Variants in CDK8 observed in about 807,000 individuals in gnomAD.
The protein encoded by CDK8 is cyclin dependent kinase 8, also known as cyclin-dependent kinase 8.
A neutral mutation model predicts 71.5 loss-of-function variants in CDK8; 29 were observed. The observed-to-expected ratio is 0.41, with a 90% CI of 0.30 to 0.55. The LOEUF (loss-of-function observed/expected upper bound fraction) is 0.55. CDK8 is among the 20% of genes least tolerant of loss of function. The pLI is 0.37. For synonymous variants in CDK8, 161 were observed against 192.1 expected, an observed-to-expected ratio of 0.84 and a Z score of 1.34; for missense variants, 288 against 572.6, an observed-to-expected ratio of 0.50 and a Z score of 5.07.
At chr13:26,336,584 C>T (rs1195663442) in intron 1 of CDK8, among the ~76,000 whole-genome samples, 17 of 132,148 alleles carry the variant, frequency 1.3e-4, no homozygotes, top group African/African-American at 3.9e-4. Context: ...GACGGAGTCT[C>T]GCTCTGTCGC....
intron 1 of CDK8, among the ~76,000 whole-genome samples, chr13:26,290,533 G>C (rs925041147): frequency 6.6e-6 from 1 of 151,988 alleles, no homozygotes; most frequent in Non-Finnish European, 1.5e-5. Flanking sequence ...AGAGCAATTG[G>C]AGTGTGGTTG....
chr13:26,379,962 G>A lies in CDK8; in HGVS notation c.457-2852G>A, dbSNP rs144867587. Reference sequence around the variant, plus strand: ...AATTTTAGATCAGAAGAAAGGTCAGGGACAGAAAATGGCATAGCGATGACA... The same window carrying A: ...AATTTTAGATCAGAAGAAAGGTCAGAGACAGAAAATGGCATAGCGATGACA... On this transcript the variant is annotated intron_variant, in intron 4 of 12. Transcript: ENST00000381527. 6.7e-3 allele frequency among the ~76,000 whole-genome samples: 1,021 copies of A among 152,258 alleles called. 13 individuals are homozygous for A. The highest frequency in any genetic ancestry group is 0.023 in the African/African-American group (947 of 41,536).
intron 2 of CDK8, among the ~76,000 whole-genome samples, chr13:26,344,339 C>A (rs957772841): frequency 1.2e-4 from 18 of 152,292 alleles, no homozygotes; most frequent in African/African-American, 4.1e-4. Context: ...GTGAATAGTG[C>A]TGCAATGAAC....
intron 4 of CDK8, among the ~76,000 whole-genome samples, chr13:26,366,710 G>A (rs1232814395): frequency 6.6e-6 from 1 of 152,108 alleles, no homozygotes; most frequent in African/African-American, 2.4e-5. Flanking sequence ...CTAATTTCCA[G>A]TCTTTTCAGA....
At chr13:26,331,002 T>C (rs894960212) in intron 1 of CDK8, among the ~76,000 whole-genome samples, 2 of 152,212 alleles carry the variant, frequency 1.3e-5, no homozygotes, top group African/African-American at 4.8e-5. Context: ...TTTTAGCTTT[T>C]TGAGAAATTG....
At chr13:26,260,594 G>A (rs1871730051) in intron 1 of CDK8, among the ~76,000 whole-genome samples, 1 of 152,134 alleles carries the variant, frequency 6.6e-6, no homozygotes, top group Admixed American at 6.5e-5. Flanking sequence ...TAGAGTTTAG[G>A]AAGTAATGGA....
chr13:26,254,596 C>G lies in CDK8; in HGVS notation c.-46C>G. On this transcript the variant is annotated 5_prime_UTR_variant, in exon 1 of 13. Coordinates refer to ENST00000381527, the MANE Select transcript of CDK8 (RefSeq NM_001260.3). The surrounding 1 kb of genome is among the most constrained non-coding windows in gnomAD (Gnocchi z 6.7). ...CGTGCTTCCCCGGTCCCCACCCCTGCCCCCCGGCCCCCCGACCCAGCTCTC... is the reference window on the plus strand; with the variant it reads ...CGTGCTTCCCCGGTCCCCACCCCTGGCCCCCGGCCCCCCGACCCAGCTCTC... 128 of 1,269,314 alleles carry G rather than the reference C, an allele frequency of 1.0e-4. No individual in the cohort carries two copies. Among genetic ancestry groups the G allele is most frequent in the Middle Eastern group, 2.7e-4 (1 of 3,712 alleles). 78.6% of individuals were successfully genotyped at this position (1,269,314 alleles called of 1,614,324 possible).
intron 1 of CDK8, among the ~76,000 whole-genome samples, chr13:26,272,754 C>T (rs1872389853): frequency 6.6e-6 from 1 of 152,198 alleles, no homozygotes; most frequent in Non-Finnish European, 1.5e-5. Context: ...ACACCAGCAT[C>T]ACCACAAACG....
intron 4 of CDK8, among the ~76,000 whole-genome samples, chr13:26,373,085 C>G (rs981351109): frequency 6.6e-6 from 1 of 152,164 alleles, no homozygotes; most frequent in Non-Finnish European, 1.5e-5. Flanking sequence ...TGCTTAGGTA[C>G]CACATACGTA....
intron 1 of CDK8, among the ~76,000 whole-genome samples, chr13:26,270,571 G>C (rs1872269326): frequency 6.6e-6 from 1 of 152,058 alleles, no homozygotes; most frequent in Non-Finnish European, 1.5e-5. Flanking sequence ...TAGACATCCA[G>C]GAATCTCCTT....
At chr13:26,272,804 A>C (rs1872392597) in intron 1 of CDK8, among the ~76,000 whole-genome samples, 1 of 152,214 alleles carries the variant, frequency 6.6e-6, no homozygotes, top group Non-Finnish European at 1.5e-5. Context: ...CAATGGCTAC[A>C]GTGTCACTAG....
intron 1 of CDK8, among the ~76,000 whole-genome samples, chr13:26,283,876 G>A (rs202139233): frequency 3.5e-5 from 5 of 141,958 alleles, no homozygotes; most frequent in East Asian, 4.0e-4. Context: ...GCAGCCTGGC[G>A]ACAGAGCAAG....
chr13:26,398,286 G>A (rs921040079), intron 9 of CDK8, among the ~76,000 whole-genome samples: 2 of 152,082 alleles, frequency 1.3e-5, no homozygotes, highest in African/African-American at 2.4e-5. Context: ...TAGATCCTTC[G>A]AAATTATGGA....
chr13:26,293,095 C>CTA (rs1873375817), intron 1 of CDK8, among the ~76,000 whole-genome samples: 1 of 152,144 alleles, frequency 6.6e-6, no homozygotes, highest in Admixed American at 6.5e-5. Context: ...TTGGGAAATG[C>CTA]TATTATTTGA....
At chr13:26,340,939 T>C (rs926511516) in intron 2 of CDK8, among the ~76,000 whole-genome samples, 21 of 152,314 alleles carry the variant, frequency 1.4e-4, no homozygotes, top group African/African-American at 4.8e-4. Flanking sequence ...CATTTTTTTG[T>C]AAGTGATTTG....
chr13:26,372,933 G>T (rs915375113), intron 4 of CDK8, among the ~76,000 whole-genome samples: 5 of 152,108 alleles, frequency 3.3e-5, no homozygotes, highest in Non-Finnish European at 7.4e-5. Flanking sequence ...GCCCCCACTT[G>T]TCTTTGCAAC....
intron 4 of CDK8, among the ~76,000 whole-genome samples, chr13:26,377,754 C>T (rs564252683): frequency 1.3e-5 from 2 of 151,172 alleles, no homozygotes; most frequent in South Asian, 4.2e-4. Flanking sequence ...TAGAAGATTA[C>T]AGTAAAACAG....
At chr13:26,369,711 T>TTC (rs1491018690) in intron 4 of CDK8, among the ~76,000 whole-genome samples, 1 of 2,884 alleles carries the variant, frequency 3.5e-4, no homozygotes, top group African/African-American at 4.1e-4. Flanking sequence ...CTTTCTTTCT[T>TTC]TTTTTTTTTT....
chr13:26,296,812 T>G (rs1366509581), intron 1 of CDK8, among the ~76,000 whole-genome samples: 2 of 152,120 alleles, frequency 1.3e-5, no homozygotes, highest in Non-Finnish European at 2.9e-5. Flanking sequence ...GTCTTTACTG[T>G]TAGGTCTATG....
Sources: allele counts gnomAD v4.1 joint callset (sites outside exome capture counted in the v4.1 genomes callset), GRCh38; gene constraint gnomAD v4.1.1; non-coding constraint Gnocchi (gnomAD v3.1); transcripts MANE v1.5; gene names NCBI Gene and HGNC (gene_info 2026-07-23, HGNC 2026-07-21).